C3orf49: variants seen among roughly 807,000 people sequenced by gnomAD.
The protein encoded by C3orf49 is chromosome 3 open reading frame 49, also known as putative uncharacterized protein C3orf49.
In C3orf49, 27 loss-of-function variants were observed where a neutral mutation model predicts 13.3. The ratio of observed to expected loss-of-function variants is 2.02; its 90% CI spans 1.49 to 2.79. The LOEUF is 2.79. Ranked by LOEUF, C3orf49 falls within the 30% of genes most tolerant of loss-of-function variation. The pLI is 0.00. For missense variants in C3orf49, 242 were observed against 134.2 expected (o/e 1.80, Z -3.97); for synonymous variants, 87 against 47.6 (o/e 1.83, Z -3.40).
At chr3:63,836,124 G>T (rs1414253358) in intron 5 of C3orf49, among the ~76,000 whole-genome samples, 1 of 151,944 alleles carries the variant, frequency 6.6e-6, no homozygotes, top group Non-Finnish European at 1.5e-5. Context: ...TAGACATATA[G>T]CTGGTAAGGT....
At chr3:63,839,318 A>G (rs1206710892) in intron 5 of C3orf49, among the ~76,000 whole-genome samples, 3 of 152,228 alleles carry the variant, frequency 2.0e-5, no homozygotes, top group Non-Finnish European at 4.4e-5. Flanking sequence ...CCAACTTAAT[A>G]TATACATACA....
At chr3:63,829,699 G>C (rs972861380) in intron 3 of C3orf49, among the ~76,000 whole-genome samples, 6 of 152,130 alleles carry the variant, frequency 3.9e-5, no homozygotes, top group Non-Finnish European at 4.4e-5. Flanking sequence ...GGTGGCTCAT[G>C]TCTGTAATCC....
chr3:63,798,784 C>T, the C3orf49 span, among the ~76,000 whole-genome samples: 94 of 152,192 alleles, frequency 6.2e-4, 1 homozygote, highest in East Asian at 0.015. Context: ...AATGTCATTC[C>T]ATGATTGGTG....
chr3:63,815,093 G>A (rs893631423), upstream of C3orf49, among the ~76,000 whole-genome samples: 7 of 152,126 alleles, frequency 4.6e-5, no homozygotes, highest in African/African-American at 1.7e-4. Flanking sequence ...TTGCTATCAC[G>A]AGGACAGTAA....
intron 1 of C3orf49, 118 bp from the exon 2 acceptor site, chr3:63,823,132 A>ATTT: frequency 1.9e-6 from 1 of 518,992 alleles, no homozygotes; most frequent in Admixed American, 3.5e-5. Context: ...CTTCAATTTC[A>ATTT]TTTTTTTTTT....
At chr3:63,803,775 C>T in the C3orf49 span, among the ~76,000 whole-genome samples, 90 of 152,164 alleles carry the variant, frequency 5.9e-4, no homozygotes, top group African/African-American at 2.0e-3. Flanking sequence ...TTTCCACAGA[C>T]CAGGGTTGAG....
At chr3:63,799,282 T>C in the C3orf49 span, among the ~76,000 whole-genome samples, 11 of 152,270 alleles carry the variant, frequency 7.2e-5, no homozygotes, top group Middle Eastern at 3.4e-3. Context: ...GTGGGGAAGC[T>C]TGTGTAATTA....
the C3orf49 span, among the ~76,000 whole-genome samples, chr3:63,785,445 A>G: frequency 2.0e-5 from 3 of 152,198 alleles, no homozygotes; most frequent in Non-Finnish European, 1.5e-5. Context: ...ATAGAAAAGA[A>G]TATCTTATCA....
chr3:63,834,253 T>C, intron 5 of C3orf49: 1 of 1,541,708 alleles, frequency 6.5e-7, no homozygotes, highest in South Asian at 1.1e-5. Flanking sequence ...ATATTTTATA[T>C]TCGATGAACA....
intron 5 of C3orf49, among the ~76,000 whole-genome samples, chr3:63,839,191 C>CA (rs944666019): frequency 8.0e-5 from 12 of 150,214 alleles, no homozygotes; most frequent in South Asian, 2.1e-4. Context: ...CTCTGTCTCA[C>CA]AAAAAAAAAG....
chr3:63,787,765 T>G, the C3orf49 span, among the ~76,000 whole-genome samples: 3 of 152,126 alleles, frequency 2.0e-5, no homozygotes, highest in Non-Finnish European at 2.9e-5. Flanking sequence ...CCATTGTATC[T>G]GTAATGATGC....
chr3:63,831,304 C>T, intron 4 of C3orf49, 81 bp downstream of exon 4: 1 of 655,716 alleles, frequency 1.5e-6, no homozygotes. Context: ...CCCTGCTAGA[C>T]AGCATGGGTG....
At chr3:63,825,940 C>G (rs191826390) in intron 2 of C3orf49, among the ~76,000 whole-genome samples, 2 of 152,292 alleles carry the variant, frequency 1.3e-5, no homozygotes, top group East Asian at 3.9e-4. Flanking sequence ...AAATTGAGAT[C>G]TGAAGGATGT....
intron 6 of C3orf49, among the ~76,000 whole-genome samples, chr3:63,848,114 C>A (rs1339081037): frequency 2.0e-5 from 3 of 152,150 alleles, no homozygotes; most frequent in Non-Finnish European, 4.4e-5. Flanking sequence ...AAATATATTT[C>A]TTTGATGTAT....
intron 3 of C3orf49, among the ~76,000 whole-genome samples, chr3:63,830,569 A>T (rs1477425567): frequency 1.3e-5 from 2 of 152,208 alleles, no homozygotes; most frequent in Non-Finnish European, 2.9e-5. Flanking sequence ...ATGATTTCCA[A>T]TTGCAACACT....
At chr3:63,830,040 C>G (rs948008977) in intron 3 of C3orf49, among the ~76,000 whole-genome samples, 3 of 152,164 alleles carry the variant, frequency 2.0e-5, no homozygotes, top group African/African-American at 7.2e-5. Context: ...TCTGGGTTTT[C>G]TACTTTCTCT....
chr3:63,820,556 G>A (rs1221975291), intron 1 of C3orf49, among the ~76,000 whole-genome samples: 1 of 152,096 alleles, frequency 6.6e-6, no homozygotes, highest in Non-Finnish European at 1.5e-5. Flanking sequence ...CTTAGAACTG[G>A]GCTTTTAACA....
chr3:63,813,527 C>T, the C3orf49 span, among the ~76,000 whole-genome samples: 1 of 152,072 alleles, frequency 6.6e-6, no homozygotes, highest in Non-Finnish European at 1.5e-5. Context: ...GAAATACTAA[C>T]CTGGGGCAGC....
chr3:63,823,278 C>A lies in C3orf49; in HGVS notation c.154C>A (p.Leu52Ile). ...RWHRAVSTNLLKQNVLVPKEE... is the reference protein window; with the variant it reads ...RWHRAVSTNLIKQNVLVPKEE... ...GCATAGAGCTGTGTCTACCAACTTA[C>A]TAAAACAAAATGTATTGGTCCCTAA... The change falls in exon 2 of 7, where the codon CTA (leucine) becomes ATA (isoleucine). Residue 52 changes from leucine (L) to isoleucine (I), a missense_variant. Physicochemically the swap from Leu to Ile is conservative, Grantham distance 5. Coordinates refer to ENST00000295896, the MANE Select transcript of C3orf49 (RefSeq NM_001355236.2). The A allele has an allele frequency of 2.8e-6, 2 of 702,796 alleles. No individual in the cohort carries two copies. Among genetic ancestry groups the A allele is most frequent in the Middle Eastern group, 2.3e-4 (1 of 4,370 alleles). 43.5% of individuals were successfully genotyped at this position (702,796 alleles called of 1,614,324 possible).
Sources: gnomAD v4.1 joint callset for allele counts (sites outside exome capture counted in the v4.1 genomes callset) on GRCh38, gnomAD v4.1.1 for gene constraint, MANE v1.5 for transcripts, NCBI Gene and HGNC (gene_info 2026-07-23, HGNC 2026-07-21) for gene names.